Variants in ZCCHC14 observed in about 807,000 individuals in gnomAD.
ZCCHC14 encodes the protein zinc finger CCHC-type containing 14.
Under a neutral mutation model 85.0 loss-of-function variants are expected in ZCCHC14, and 16 were observed. The ratio of observed to expected loss-of-function variants is 0.19; its 90% CI spans 0.13 to 0.29. ZCCHC14 has a LOEUF of 0.29. Among genes scored for constraint, ZCCHC14 ranks in the 10% least tolerant of loss-of-function variants. The probability of loss-of-function intolerance (pLI) is 1.00; values close to 1 mark genes in which losing one functional copy is unlikely to be tolerated. For missense variants in ZCCHC14, 1,303 were observed against 1,443.5 expected (o/e 0.90, Z 1.58); for synonymous variants, 775 against 630.7 (o/e 1.23, Z -3.43).
Position 87,461,199 on chromosome 16 carries a change from G to A in ZCCHC14, c.571-1068C>T, listed in dbSNP as rs528654645. 1.3e-4 allele frequency among the ~76,000 whole-genome samples: 20 copies of A among 152,324 alleles called. No individual in the cohort carries two copies. The South Asian group carries it at 1.7e-3, about 13-fold the overall frequency. On this transcript the variant is annotated intron_variant, in intron 1 of 12. Coordinates refer to ENST00000671377, the MANE Select transcript of ZCCHC14 (RefSeq NM_015144.3). ...AACAAGCCACGGGCTAGCCAGGCTC[G>A]TCCCACCCCTCCTGCTTCCTGGGTT...
intron 2 of ZCCHC14, among the ~76,000 whole-genome samples, chr16:87,451,199 CT>C (rs35771265): frequency 0.019 from 2,633 of 136,452 alleles, 24 homozygotes; most frequent in Middle Eastern, 0.05. Flanking sequence ...GGCGCCCAGC[CT>C]TTTTTTTTTT....
rs994476854 is a variant in ZCCHC14 at position 87,492,974 on chromosome 16, C to T, written c.-736G>A. Among the ~76,000 whole-genome samples, 3 of 151,396 alleles carry T rather than the reference C, an allele frequency of 2.0e-5. No homozygotes were observed. Among genetic ancestry groups the T allele is most frequent in the African/African-American group, 7.3e-5 (3 of 41,292 alleles). Reference sequence around the variant, plus strand: ...GGCGGAGGAGGCGCCGGCCGAGGAGCGGAGGGATCGTCGCGCTCGCGGCTG... The same window carrying T: ...GGCGGAGGAGGCGCCGGCCGAGGAGTGGAGGGATCGTCGCGCTCGCGGCTG... On this transcript the variant is annotated 5_prime_UTR_variant, in exon 1 of 13. Transcript: ENST00000671377. This position sits in a 1 kb window ranked among gnomAD's most constrained non-coding sequence, Gnocchi z 6.7.
intron 2 of ZCCHC14, among the ~76,000 whole-genome samples, chr16:87,457,824 C>G (rs1300314471): frequency 6.6e-6 from 1 of 152,164 alleles, no homozygotes; most frequent in Non-Finnish European, 1.5e-5. Flanking sequence ...CTAAGAAAAC[C>G]AAGTTAACTC....
intron 1 of ZCCHC14, among the ~76,000 whole-genome samples, chr16:87,485,235 T>C (rs1912462157): frequency 6.6e-6 from 1 of 152,202 alleles, no homozygotes; most frequent in Admixed American, 6.5e-5. Flanking sequence ...AGAAGAGCAA[T>C]TATTTGAAAG....
At chr16:87,413,987 A>G (rs1031114229) in intron 10 of ZCCHC14, among the ~76,000 whole-genome samples, 1 of 152,262 alleles carries the variant, frequency 6.6e-6, no homozygotes, top group Admixed American at 6.5e-5. Context: ...GGCAGAGACT[A>G]TAATAGTTAA....
In ZCCHC14 at chr16:87,450,384, A is replaced by C. The variant is rs139922892; in HGVS notation, c.694+9624T>G. The stretch of plus-strand genomic sequence containing the variant: ...TTGAACATTCACCATCACACTGATT[A>C]AGCTGCTCCTTCTTCCCTACATCTT... On this transcript the variant is annotated intron_variant, in intron 2 of 12. Transcript: ENST00000671377. Among the ~76,000 whole-genome samples the C allele has an allele frequency of 3.9e-3, 588 of 152,322 alleles. 4 individuals carry two copies. The highest frequency in any genetic ancestry group is 0.014 in the African/African-American group (562 of 41,566).
intron 4 of ZCCHC14, among the ~76,000 whole-genome samples, chr16:87,422,378 G>C (rs1013641335): frequency 2.0e-5 from 3 of 152,148 alleles, no homozygotes; most frequent in Admixed American, 2.0e-4. Context: ...CCAGAGTCCA[G>C]GAGAGGGGAG....
intron 12 of ZCCHC14, 70 bp downstream of exon 12, chr16:87,411,446 A>G (rs1317748538): frequency 6.4e-7 from 1 of 1,563,716 alleles, no homozygotes; most frequent in African/African-American, 1.4e-5. Context: ...TTTACTCTTC[A>G]TAAAAACCAA....
chr16:87,435,942 TTA>T (rs1324963589), intron 2 of ZCCHC14, among the ~76,000 whole-genome samples: 2 of 152,366 alleles, frequency 1.3e-5, no homozygotes, highest in African/African-American at 2.4e-5. Context: ...TACATAGCTT[TTA>T]TGTTTTTCTA....
At chr16:87,485,169 A>T (rs1912457580) in intron 1 of ZCCHC14, among the ~76,000 whole-genome samples, 2 of 152,210 alleles carry the variant, frequency 1.3e-5, no homozygotes, top group Non-Finnish European at 2.9e-5. Context: ...TGTGGCCGGC[A>T]TGTGAAGACC....
intron 2 of ZCCHC14, among the ~76,000 whole-genome samples, chr16:87,434,273 G>A (rs148236456): frequency 8.8e-4 from 134 of 152,348 alleles, no homozygotes; most frequent in African/African-American, 3.2e-3. Context: ...CGAACATGCT[G>A]TAGTTTCTGA....
At chr16:87,447,360 T>C (rs760715316) in intron 2 of ZCCHC14, among the ~76,000 whole-genome samples, 4 of 152,082 alleles carry the variant, frequency 2.6e-5, no homozygotes, top group African/African-American at 7.2e-5. Flanking sequence ...AGATCTGAAG[T>C]GTACAATTCA....
rs60419883 is a variant in ZCCHC14, at chr16:87,420,251, C to T, written c.950+356G>A. 4.6e-5 allele frequency among the ~76,000 whole-genome samples: 7 copies of T among 152,224 alleles called. No individual in the cohort carries two copies. Among genetic ancestry groups the T allele is most frequent in the South Asian group, 2.1e-4 (1 of 4,824 alleles). On this transcript the variant is annotated intron_variant, in intron 5 of 12. Transcript: ENST00000671377. This position sits in a 1 kb window ranked among gnomAD's most constrained non-coding sequence, Gnocchi z 5.0. ...TTCGTGTGCCACGTGAGCCAAGACACGATCGAGGGTCCAGAGAAACTGTTT... is the reference window on the plus strand; with the variant it reads ...TTCGTGTGCCACGTGAGCCAAGACATGATCGAGGGTCCAGAGAAACTGTTT...
At chr16:87,422,126 A>G (rs904034103) in intron 4 of ZCCHC14, among the ~76,000 whole-genome samples, 2 of 152,242 alleles carry the variant, frequency 1.3e-5, no homozygotes, top group African/African-American at 4.8e-5. Flanking sequence ...GTTTCAGCAG[A>G]GAGATGGAAA....
chr16:87,423,391 T>A (rs1219824436), intron 4 of ZCCHC14, among the ~76,000 whole-genome samples: 3 of 151,952 alleles, frequency 2.0e-5, no homozygotes, highest in East Asian at 3.9e-4. Context: ...CTTAAAAAAA[T>A]AATAATAAAA....
chr16:87,447,405 A>G lies in ZCCHC14; in HGVS notation c.694+12603T>C, dbSNP rs560377098. Among the ~76,000 whole-genome samples, 363 of 152,322 alleles carry G rather than the reference A, an allele frequency of 2.4e-3. 1 individual carries two copies. Among genetic ancestry groups the G allele is most frequent in the African/African-American group, 8.0e-3 (331 of 41,578 alleles). On this transcript the variant is annotated intron_variant, in intron 2 of 12. Transcript: ENST00000671377. Reference sequence around the variant, plus strand: ...GGTACATTTATATGCCCATGTGATCACTAATCCTTGAATCAAGACGCAGTG... The same window carrying G: ...GGTACATTTATATGCCCATGTGATCGCTAATCCTTGAATCAAGACGCAGTG...
chr16:87,433,327 T>C (rs1476321002), intron 2 of ZCCHC14, 126 bp from the exon 3 acceptor site: 3 of 844,066 alleles, frequency 3.6e-6, no homozygotes, highest in African/African-American at 3.4e-5. Flanking sequence ...CCTGTCACTT[T>C]GGTGGCATCT....
In ZCCHC14 at chr16:87,492,139, C is replaced by G. The variant is rs1912796905; in HGVS notation, c.100G>C (p.Asp34His). The change falls in exon 1 of 13, where the codon GAC (aspartate) becomes CAC (histidine). Residue 34 changes from aspartate to histidine, a missense_variant. Physicochemically the swap from Asp to His is moderately conservative, Grantham distance 81 (BLOSUM62 -1). Coordinates refer to ENST00000671377, the MANE Select transcript of ZCCHC14 (RefSeq NM_015144.3). The surrounding 1 kb of genome is among the most constrained non-coding windows in gnomAD (Gnocchi z 6.7). ...QRVEFLCGLL[D>H]LCIPLELRFL... ...CGAAGCTCGAGCGGGATGCACAGGT[C>G]CAGCAGGCCGCACAGGAACTCCACG... is the stretch of plus-strand genomic sequence containing the variant. The G allele has an allele frequency of 6.9e-6, 9 of 1,310,188 alleles. No homozygotes were observed. Among genetic ancestry groups the G allele is most frequent in the Non-Finnish European group, 8.7e-6 (9 of 1,033,388 alleles). 81.2% of individuals were successfully genotyped at this position (1,310,188 alleles called of 1,614,324 possible). A position where few individuals can be genotyped will look rare whatever the true frequency, so the allele number is the denominator to read the frequency against.
intron 2 of ZCCHC14, among the ~76,000 whole-genome samples, chr16:87,454,167 G>A (rs1910840327): frequency 6.6e-6 from 1 of 152,138 alleles, no homozygotes; most frequent in Non-Finnish European, 1.5e-5. Flanking sequence ...AGATCTGTGG[G>A]ACAAGACCAA....
Sources: allele counts gnomAD v4.1 joint callset (sites outside exome capture counted in the v4.1 genomes callset), GRCh38; gene constraint gnomAD v4.1.1; non-coding constraint Gnocchi (gnomAD v3.1); transcripts MANE v1.5; gene names NCBI Gene and HGNC (gene_info 2026-07-23, HGNC 2026-07-21).